POF1B: variants seen among roughly 807,000 people sequenced by gnomAD.
POF1B encodes the protein protein POF1B.
In POF1B, 53 loss-of-function variants were observed where a neutral mutation model predicts 55.3. The observed-to-expected ratio is 0.96, with a 90% CI of 0.77 to 1.20. The LOEUF is 1.20. Ranked by LOEUF, POF1B falls within the 50% of genes most tolerant of loss-of-function variation. The pLI is 0.00. For missense variants in POF1B, 478 were observed against 420.5 expected (o/e 1.14, Z -1.20); for synonymous variants, 188 against 148.3 (o/e 1.27, Z -1.95).
chrX:85,315,774 G>C, intron 7 of POF1B, 40 bp from the exon 8 acceptor site: 1 of 1,058,709 alleles, frequency 9.4e-7, no homozygotes, highest in Non-Finnish European at 1.3e-6. Flanking sequence ...TTTAGGAAAA[G>C]GTATTCACTG....
chrX:85,373,342 A>G (rs1006187376), intron 2 of POF1B, among the ~76,000 whole-genome samples: 3 of 111,915 alleles, frequency 2.7e-5, no homozygotes, highest in African/African-American at 9.7e-5. Flanking sequence ...TATTTGTTTA[A>G]CAGATAAATA....
chrX:85,285,195 C>T (rs999780741), intron 15 of POF1B, among the ~76,000 whole-genome samples: 15 of 111,330 alleles, frequency 1.3e-4, no homozygotes, highest in Non-Finnish European at 1.7e-4. Flanking sequence ...ACTTTTACAC[C>T]GTTGGCAGGA....
Position 85,296,787 on chromosome X carries a change from C to T in POF1B, c.1649+6619G>A, listed in dbSNP as rs772168485. The stretch of plus-strand genomic sequence containing the variant: ...TTCTTGAATTTGCATGTCAACCTCT[C>T]TAATGAGATTGAGGAAATTTTCATG... On this transcript the variant is annotated intron_variant, in intron 15 of 16. Transcript: ENST00000262753. Among the ~76,000 whole-genome samples, 3 of 112,059 alleles carry T rather than the reference C, an allele frequency of 2.7e-5. No homozygotes were observed. The Admixed American group carries it at 2.8e-4, about 11-fold the overall frequency.
chrX:85,320,514 A>G (rs1932826673), intron 7 of POF1B, among the ~76,000 whole-genome samples: 1 of 111,419 alleles, frequency 9.0e-6, no homozygotes, highest in African/African-American at 3.3e-5. Context: ...TGACACCGTA[A>G]CATCACAATT....
chrX:85,373,120 G>A (rs1361111697), intron 2 of POF1B, among the ~76,000 whole-genome samples: 1 of 111,182 alleles, frequency 9.0e-6, no homozygotes, highest in Non-Finnish European at 1.9e-5. Flanking sequence ...ACATTAGAAT[G>A]GGAAAATATA....
At chrX:85,280,924 C>T (rs919553401) in intron 16 of POF1B, among the ~76,000 whole-genome samples, 2 of 110,878 alleles carry the variant, frequency 1.8e-5, no homozygotes, top group African/African-American at 6.6e-5. Flanking sequence ...GGGAGACTGT[C>T]CTGCACATCG....
rs1321054782 is a variant in POF1B, at chrX:85,361,470, C to T, written c.358-1840G>A. ...AGCTCCATTTATTGAATAGGGAGTC[C>T]TTTCCCCATTGCTTGTTTTTGACAG... On this transcript the variant is annotated intron_variant, in intron 3 of 16. Coordinates refer to ENST00000262753, the MANE Select transcript of POF1B (RefSeq NM_024921.4). Among the ~76,000 whole-genome samples the T allele has an allele frequency of 2.2e-4, 24 of 111,470 alleles. No individual in the cohort carries two copies. In the Admixed American group the frequency reaches 2.3e-3, roughly 11 times the overall value.
chrX:85,356,954 C>A (rs1011951882), intron 4 of POF1B, among the ~76,000 whole-genome samples: 1 of 111,533 alleles, frequency 9.0e-6, no homozygotes, highest in African/African-American at 3.3e-5. Context: ...TGATTTGGCT[C>A]ATTAGAGTTT....
In POF1B at chrX:85,358,886, G is replaced by C. The variant is rs1037961065; in HGVS notation, c.438+664C>G. Among the ~76,000 whole-genome samples the C allele has an allele frequency of 2.7e-5, 3 of 111,125 alleles. No homozygotes were observed. In the South Asian group the frequency reaches 1.1e-3, roughly 41 times the overall value. ...GAGTATAGCTAAACAGGATTTTCAA[G>C]CTGCTTTGTAAAACAAGTTAGATTA... On this transcript the variant is annotated intron_variant, in intron 4 of 16. Transcript: ENST00000262753.
chrX:85,366,611 C>T (rs2147949109), intron 3 of POF1B, among the ~76,000 whole-genome samples: 1 of 111,322 alleles, frequency 9.0e-6, no homozygotes, highest in South Asian at 3.8e-4. Context: ...AGTCAACACC[C>T]CTGTGATTTA....
intron 6 of POF1B, among the ~76,000 whole-genome samples, chrX:85,341,288 A>T (rs1036400206): frequency 9.0e-6 from 1 of 111,099 alleles, no homozygotes; most frequent in Admixed American, 9.6e-5. Flanking sequence ...ATTGAAAATG[A>T]TTGCCTCTGG....
At chrX:85,345,375 C>T (rs112745384) in intron 6 of POF1B, among the ~76,000 whole-genome samples, 1 of 111,146 alleles carries the variant, frequency 9.0e-6, no homozygotes, top group African/African-American at 3.3e-5. Flanking sequence ...AAAATCTATA[C>T]ATATTTTGAC....
intron 15 of POF1B, among the ~76,000 whole-genome samples, chrX:85,284,593 G>A (rs190520297): frequency 0.027 from 2,983 of 111,521 alleles, 54 homozygotes; most frequent in Middle Eastern, 0.078. Context: ...TGGGAAAACT[G>A]GCTAGCCATA....
chrX:85,321,335 C>G (rs750728292), intron 7 of POF1B, among the ~76,000 whole-genome samples: 1 of 110,709 alleles, frequency 9.0e-6, no homozygotes, highest in Non-Finnish European at 1.9e-5. Flanking sequence ...GAACCAAAGA[C>G]CAAAACCACA....
chrX:85,287,449 G>T (rs184462846), intron 15 of POF1B, among the ~76,000 whole-genome samples: 25 of 110,875 alleles, frequency 2.3e-4, no homozygotes, highest in African/African-American at 7.5e-4. Flanking sequence ...GAATAATAAA[G>T]AAATATTATG....
chrX:85,308,070 T>C, intron 10 of POF1B, 54 bp downstream of exon 10: 3 of 763,199 alleles, frequency 3.9e-6, no homozygotes, highest in Non-Finnish European at 5.9e-6. Flanking sequence ...TTTATTTCTG[T>C]ATTAGGAAGC....
At chrX:85,305,666 A>G (rs1932554651) in intron 13 of POF1B, 125 bp downstream of exon 13, 8 of 691,715 alleles carry the variant, frequency 1.2e-5, no homozygotes, top group Non-Finnish European at 1.7e-5. Context: ...AAATGAATAC[A>G]TGACATATTT....
intron 4 of POF1B, among the ~76,000 whole-genome samples, chrX:85,357,425 C>T (rs1933523344): frequency 9.0e-6 from 1 of 110,907 alleles, no homozygotes; most frequent in African/African-American, 3.3e-5. Flanking sequence ...TGACCAATAC[C>T]CTTCCAGAAG....
At chrX:85,293,340 T>C (rs1424975870) in intron 15 of POF1B, among the ~76,000 whole-genome samples, 4 of 111,970 alleles carry the variant, frequency 3.6e-5, no homozygotes, top group African/African-American at 1.3e-4. Context: ...TATGCACCCA[T>C]AAAAAGAACA....
Sources: allele counts gnomAD v4.1 joint callset (sites outside exome capture counted in the v4.1 genomes callset), GRCh38; gene constraint gnomAD v4.1.1; transcripts MANE v1.5; gene names NCBI Gene and HGNC (gene_info 2026-07-23, HGNC 2026-07-21).